Variants in MOB4 observed in about 807,000 individuals in gnomAD.
MOB4 encodes the protein MOB-like protein phocein.
In MOB4, 4 loss-of-function variants were observed where a neutral mutation model predicts 32.2. That is an observed-to-expected ratio of 0.12 (90% CI 0.06 to 0.28). The LOEUF is 0.28. MOB4 is among the 10% of genes least tolerant of loss of function. The pLI is 1.00. For missense variants in MOB4, 158 were observed against 271.2 expected, an observed-to-expected ratio of 0.58 and a Z score of 2.93; for synonymous variants, 88 against 88.1, an observed-to-expected ratio of 1.00 and a Z score of 0.01.
intron 1 of MOB4, 94 bp downstream of exon 1, chr2:197,516,240 C>T: frequency 1.3e-6 from 2 of 1,517,514 alleles, no homozygotes; most frequent in Non-Finnish European, 1.8e-6. Context: ...TGGGCCGAGG[C>T]GGCAGGCGGG....
rs1037132306 is a variant in MOB4, at chr2:197,551,651, T to TA, written c.*1006dup. ...GCAGCATTAAATAGAATTGAAGAAA[T>TA]ACCATAGTATTTATTTTACACCCCC... On this transcript the variant is annotated 3_prime_UTR_variant, in exon 8 of 8. Transcript: ENST00000323303. The TA allele has an allele frequency of 6.5e-6, 1 of 152,770 alleles. No individual in the cohort carries two copies. The highest frequency in any genetic ancestry group is 1.5e-5 in the Non-Finnish European group (1 of 68,024). The allele number at this position is 152,770 out of a possible 1,614,324, so 9.5% of individuals were successfully genotyped here. A position where few individuals can be genotyped will look rare whatever the true frequency, so the allele number is the denominator to read the frequency against.
chr2:197,529,919 T>C (rs2086670654), intron 2 of MOB4, among the ~76,000 whole-genome samples: 1 of 152,188 alleles, frequency 6.6e-6, no homozygotes, highest in African/African-American at 2.4e-5. Context: ...CCCAAATTGC[T>C]GGGATTACAG....
chr2:197,542,093 T>C (rs2086906295), intron 5 of MOB4, among the ~76,000 whole-genome samples: 1 of 152,234 alleles, frequency 6.6e-6, no homozygotes, highest in Non-Finnish European at 1.5e-5. Flanking sequence ...AGTTTTGTTT[T>C]GGCAAATAGT....
At chr2:197,545,475 G>C (rs2086977851) in intron 5 of MOB4, among the ~76,000 whole-genome samples, 1 of 152,128 alleles carries the variant, frequency 6.6e-6, no homozygotes, top group African/African-American at 2.4e-5. Context: ...CAGATGCAAA[G>C]TGCTGACTGT....
intron 5 of MOB4, among the ~76,000 whole-genome samples, chr2:197,540,738 T>C (rs1477191310): frequency 1.3e-5 from 2 of 152,242 alleles, no homozygotes; most frequent in Non-Finnish European, 2.9e-5. Flanking sequence ...TACGCCTGTT[T>C]AGGTTTTTGT....
At chr2:197,535,944 C>T (rs7590010) in intron 3 of MOB4, among the ~76,000 whole-genome samples, 98,688 of 147,648 alleles carry the variant, frequency 0.67, 33,300 homozygotes, top group Middle Eastern at 0.85. Context: ...CTCTTGCCCA[C>T]GTTGGAGTGC....
intron 6 of MOB4, among the ~76,000 whole-genome samples, chr2:197,549,859 T>TAAAAAAAAAAAAA (rs573507195): frequency 1.2e-5 from 1 of 85,080 alleles, no homozygotes; most frequent in African/African-American, 4.2e-5. Context: ...CCTTAATTTC[T>TAAAAAAAAAAAAA]AAAAAAAAAA....
chr2:197,537,915 G>T (rs1203654523), intron 3 of MOB4, among the ~76,000 whole-genome samples: 1 of 152,062 alleles, frequency 6.6e-6, no homozygotes, highest in African/African-American at 2.4e-5. Flanking sequence ...AAGTAGCTGG[G>T]ACTACAGGCA....
At chr2:197,541,205 GTACTTTTTCTTATTTAAA>G (rs2086890596) in intron 5 of MOB4, among the ~76,000 whole-genome samples, 1 of 152,006 alleles carries the variant, frequency 6.6e-6, no homozygotes, top group African/African-American at 2.4e-5. Context: ...CTGGCCTACT[GTACTTTTTCTTATTTAAA>G]AAATTTCTTC....
chr2:197,542,976 A>G (rs775346455), intron 5 of MOB4, among the ~76,000 whole-genome samples: 5 of 151,874 alleles, frequency 3.3e-5, no homozygotes, highest in African/African-American at 4.8e-5. Flanking sequence ...TGGGTAGTCA[A>G]AATTGAAATA....
rs1027518130 is a variant in MOB4 at position 197,552,806 on chromosome 2, C to T, written c.*2160C>T. ...TAAAAAATTAATGAGCCTGGCAAAC[C>T]ATTGATTTATAAAAGTAAGTGTTCT... On this transcript the variant is annotated 3_prime_UTR_variant, in exon 8 of 8. Coordinates refer to ENST00000323303, the MANE Select transcript of MOB4 (RefSeq NM_015387.5). 2.0e-5 allele frequency: 3 copies of T among 152,144 alleles called. No individual in the cohort carries two copies. Among genetic ancestry groups the T allele is most frequent in the Non-Finnish European group, 4.4e-5 (3 of 68,002 alleles). 9.4% of individuals were successfully genotyped at this position (152,144 alleles called of 1,614,324 possible). A position where few individuals can be genotyped will look rare whatever the true frequency, so the allele number is the denominator to read the frequency against.
At chr2:197,534,606 G>T (rs536464431) in intron 2 of MOB4, among the ~76,000 whole-genome samples, 1 of 152,070 alleles carries the variant, frequency 6.6e-6, no homozygotes, top group South Asian at 2.1e-4. Context: ...GCAGTGGCAC[G>T]ATCTTGGTTC....
intron 2 of MOB4, among the ~76,000 whole-genome samples, chr2:197,525,019 C>T (rs2106109282): frequency 6.6e-6 from 1 of 152,168 alleles, no homozygotes; most frequent in East Asian, 1.9e-4. Context: ...TAAATCGAGG[C>T]TGTTTGGCTT....
intron 1 of MOB4, among the ~76,000 whole-genome samples, chr2:197,521,876 T>C (rs1459067123): frequency 6.6e-6 from 1 of 152,198 alleles, no homozygotes; most frequent in East Asian, 1.9e-4. Context: ...GCTCTACAGT[T>C]TGTGCAGTTA....
At chr2:197,547,301 A>G (rs2087013981) in intron 5 of MOB4, among the ~76,000 whole-genome samples, 1 of 152,144 alleles carries the variant, frequency 6.6e-6, no homozygotes, top group Admixed American at 6.6e-5. Context: ...ATTTCTGTTG[A>G]TGATTCTGGT....
Position 197,551,432 on chromosome 2 carries a change from T to C in MOB4, c.*786T>C, listed in dbSNP as rs970258531. The C allele has an allele frequency of 1.3e-5, 2 of 152,768 alleles. No homozygotes were observed. Among genetic ancestry groups the C allele is most frequent in the African/African-American group, 4.8e-5 (2 of 41,460 alleles). The allele number at this position is 152,768 out of a possible 1,614,324, so 9.5% of individuals were successfully genotyped here. On this transcript the variant is annotated 3_prime_UTR_variant, in exon 8 of 8. Transcript: ENST00000323303. ...ACCAGACTGAGTTAGTGGTGGCTTA[T>C]ACCTATTTATATTTGTATTAATTGC... is the stretch of plus-strand genomic sequence containing the variant.
At chr2:197,527,332 T>C (rs940795852) in intron 2 of MOB4, among the ~76,000 whole-genome samples, 4 of 152,326 alleles carry the variant, frequency 2.6e-5, no homozygotes, top group Admixed American at 2.6e-4. Context: ...CAGCAATGTT[T>C]TGTAGTTTTC....
chr2:197,520,837 TGTTTGTGACCAGGA>T (rs11276246), intron 1 of MOB4, among the ~76,000 whole-genome samples: 4,201 of 149,608 alleles, frequency 0.028, 196 homozygotes, highest in African/African-American at 0.097. Flanking sequence ...GCTGGAGGAT[TGTTTGTGACCAGGA>T]GTTTGAGACC....
Position 197,550,589 on chromosome 2 carries a change from T to C in MOB4, c.621T>C (p.Ile207=), listed in dbSNP as rs1251553784. The part of the protein sequence containing the change: ...KYNLMSKDNL[I]VPILEEEVQN... ...ATTTGATGTCCAAGGATAACCTGAT[T>C]GTACCAATTTTAGAAGAGGAAGTAC... The change falls in exon 8 of 8, where the codon ATT becomes ATC. Residue 207 remains isoleucine (I), a synonymous_variant. Transcript: ENST00000323303. The C allele has an allele frequency of 6.2e-7, 1 of 1,607,844 alleles. No homozygotes were observed. Among genetic ancestry groups the C allele is most frequent in the South Asian group, 1.1e-5 (1 of 89,100 alleles).
Sources: allele counts gnomAD v4.1 joint callset (sites outside exome capture counted in the v4.1 genomes callset), GRCh38; gene constraint gnomAD v4.1.1; transcripts MANE v1.5; gene names NCBI Gene and HGNC (gene_info 2026-07-23, HGNC 2026-07-21).